SLC30A8: variants seen among roughly 807,000 people sequenced by gnomAD.
SLC30A8 encodes the protein proton-coupled zinc antiporter SLC30A8.
In SLC30A8, 27 loss-of-function variants were observed where a neutral mutation model predicts 36.9. That is an observed-to-expected ratio of 0.73 (90% CI 0.54 to 1.01). The LOEUF (loss-of-function observed/expected upper bound fraction) is 1.01. SLC30A8 is among the 50% of genes least tolerant of loss of function. The probability of loss-of-function intolerance (pLI) is 0.00; values close to 1 mark genes in which losing one functional copy is unlikely to be tolerated. For synonymous variants in SLC30A8, 164 were observed against 172.4 expected, an observed-to-expected ratio of 0.95 and a Z score of 0.38; for missense variants, 439 against 452.0, an observed-to-expected ratio of 0.97 and a Z score of 0.26.
chr8:117,097,253 G>C (rs1349949835), intron 2 of SLC30A8, among the ~76,000 whole-genome samples: 2 of 149,312 alleles, frequency 1.3e-5, no homozygotes, highest in Non-Finnish European at 3.0e-5. Context: ...CAAAAAATTA[G>C]CCGGGCATGG....
At chr8:116,952,850 T>TTTTATTTATTTATTTA (rs10644777) in intron 1 of SLC30A8, among the ~76,000 whole-genome samples, 11 of 150,070 alleles carry the variant, frequency 7.3e-5, no homozygotes, top group African/African-American at 2.7e-4. Context: ...CAAAGAAGAA[T>TTTTATTTATTTATTTA]TTTATTTATT....
chr8:117,018,483 A>G (rs1816592771), intron 1 of SLC30A8, among the ~76,000 whole-genome samples: 1 of 152,138 alleles, frequency 6.6e-6, no homozygotes, highest in African/African-American at 2.4e-5. Context: ...TCAAATGCTC[A>G]GCAGCCACAG....
intron 1 of SLC30A8, among the ~76,000 whole-genome samples, chr8:117,038,091 A>G (rs764798555): frequency 6.6e-6 from 1 of 152,198 alleles, no homozygotes; most frequent in African/African-American, 2.4e-5. Flanking sequence ...TGTGGTATCT[A>G]AATACCCTCA....
At chr8:117,099,004 A>C (rs1819592900) in intron 2 of SLC30A8, among the ~76,000 whole-genome samples, 2 of 152,204 alleles carry the variant, frequency 1.3e-5, no homozygotes, top group Admixed American at 6.5e-5. Flanking sequence ...GGTTAAGAAT[A>C]TAAGAAAATA....
At chr8:117,039,558 C>T (rs1484084479) in intron 2 of SLC30A8, among the ~76,000 whole-genome samples, 1 of 152,160 alleles carries the variant, frequency 6.6e-6, no homozygotes, top group East Asian at 1.9e-4. Context: ...ATACTTTATA[C>T]AGACAGTCTT....
intron 1 of SLC30A8, among the ~76,000 whole-genome samples, chr8:116,987,759 G>A (rs1056478882): frequency 3.9e-5 from 6 of 152,080 alleles, no homozygotes; most frequent in Non-Finnish European, 5.9e-5. Flanking sequence ...GCAGTGGCAC[G>A]ATCTCTGCTC....
At chr8:117,022,207 A>G (rs1015921769) in intron 1 of SLC30A8, among the ~76,000 whole-genome samples, 1 of 152,086 alleles carries the variant, frequency 6.6e-6, no homozygotes. Context: ...CTCAAAAAAA[A>G]AAAAAGAAAA....
chr8:117,114,252 G>A (rs538566161), intron 2 of SLC30A8, among the ~76,000 whole-genome samples: 18 of 152,164 alleles, frequency 1.2e-4, no homozygotes, highest in African/African-American at 3.9e-4. Context: ...ATGAGATTAG[G>A]ATTTGAATGG....
At chr8:117,052,895 G>T (rs996587874) in intron 2 of SLC30A8, among the ~76,000 whole-genome samples, 2 of 149,598 alleles carry the variant, frequency 1.3e-5, no homozygotes, top group South Asian at 4.2e-4. Context: ...AGTATGTGAA[G>T]TCTCCTTTTT....
At chr8:116,965,781 G>A (rs1194288185) in intron 1 of SLC30A8, among the ~76,000 whole-genome samples, 1 of 152,026 alleles carries the variant, frequency 6.6e-6, no homozygotes, top group Admixed American at 6.6e-5. Flanking sequence ...TGAACCCTGG[G>A]CATTAAAATC....
chr8:117,129,338 T>A (rs1169627019), intron 2 of SLC30A8, among the ~76,000 whole-genome samples: 1 of 152,034 alleles, frequency 6.6e-6, no homozygotes, highest in Non-Finnish European at 1.5e-5. Context: ...TAAAGTGGAT[T>A]AAAAATAAAT....
chr8:117,136,580 A>G (rs1821369891), intron 1 of SLC30A8, among the ~76,000 whole-genome samples: 1 of 152,048 alleles, frequency 6.6e-6, no homozygotes, highest in South Asian at 2.1e-4. Context: ...GCTTAAAACA[A>G]AGAATCTAGC....
chr8:117,042,600 T>C (rs1817418840), intron 2 of SLC30A8, among the ~76,000 whole-genome samples: 1 of 152,022 alleles, frequency 6.6e-6, no homozygotes, highest in Non-Finnish European at 1.5e-5. Flanking sequence ...TTGGGAGTCA[T>C]CCTCTGGGAA....
chr8:116,959,050 C>T (rs1009724710), intron 1 of SLC30A8, among the ~76,000 whole-genome samples: 4 of 151,820 alleles, frequency 2.6e-5, no homozygotes, highest in Non-Finnish European at 4.4e-5. Flanking sequence ...TGGGTTTCAC[C>T]GTGTTAGCCG....
chr8:116,989,528 A>G lies in SLC30A8; in HGVS notation c.-266+38409A>G, dbSNP rs1230416743. On this transcript the variant is annotated intron_variant, in intron 1 of 10. Transcript: ENST00000427715. ...GTAAATTAAACAATTTAGTTTACTC[A>G]ATTTATTCAAAATAATTATTATTGT... Among the ~76,000 whole-genome samples the G allele has an allele frequency of 2.0e-5, 3 of 152,108 alleles. No individual in the cohort carries two copies. The East Asian group carries it at 5.8e-4, about 29-fold the overall frequency.
At chr8:117,125,712 T>A (rs575932750) in intron 2 of SLC30A8, among the ~76,000 whole-genome samples, 1 of 152,126 alleles carries the variant, frequency 6.6e-6, no homozygotes, top group African/African-American at 2.4e-5. Flanking sequence ...AAAAGGCAAT[T>A]AGTTTTGCAC....
chr8:117,083,383 G>C (rs1818739437), intron 2 of SLC30A8, among the ~76,000 whole-genome samples: 1 of 152,058 alleles, frequency 6.6e-6, no homozygotes, highest in Admixed American at 6.5e-5. Flanking sequence ...CTCTCTCTGG[G>C]GTCAAGCTAA....
intron 2 of SLC30A8, among the ~76,000 whole-genome samples, chr8:117,116,999 C>T (rs1440402535): frequency 1.3e-5 from 2 of 151,928 alleles, no homozygotes; most frequent in East Asian, 3.9e-4. Flanking sequence ...GGCTTCTACG[C>T]CCTCAGAAAT....
chr8:117,006,081 G>A (rs1394161793), intron 1 of SLC30A8, among the ~76,000 whole-genome samples: 1 of 152,124 alleles, frequency 6.6e-6, no homozygotes, highest in Non-Finnish European at 1.5e-5. Flanking sequence ...AAGATTAAGG[G>A]TAGTGTTATC....
Sources: gnomAD v4.1 joint callset for allele counts (sites outside exome capture counted in the v4.1 genomes callset) on GRCh38, gnomAD v4.1.1 for gene constraint, MANE v1.5 for transcripts, NCBI Gene and HGNC (gene_info 2026-07-23, HGNC 2026-07-21) for gene names.